PTPRT: variants seen among roughly 807,000 people sequenced by gnomAD.
The protein encoded by PTPRT is receptor-type tyrosine-protein phosphatase T.
In PTPRT, 56 loss-of-function variants were observed where a neutral mutation model predicts 176.8. The observed-to-expected ratio is 0.32, with a 90% CI of 0.26 to 0.40. The LOEUF (loss-of-function observed/expected upper bound fraction) is 0.40, where lower values mean the gene tolerates loss of function less well. Among genes scored for constraint, PTPRT ranks in the 10% least tolerant of loss-of-function variants. The pLI is 1.00. For synonymous variants in PTPRT, 783 were observed against 739.0 expected (o/e 1.06, Z -0.96); for missense variants, 1,540 against 1,908.2 (o/e 0.81, Z 3.60).
In PTPRT at chr20:42,452,846, T is replaced by C. The variant is rs185131514; in HGVS notation, c.1451-4517A>G. Among the ~76,000 whole-genome samples the C allele has an allele frequency of 1.8e-3, 277 of 152,352 alleles. 1 individual carries two copies. The highest frequency in any genetic ancestry group is 6.4e-3 in the African/African-American group (266 of 41,590). The stretch of plus-strand genomic sequence containing the variant: ...TTTCTTTTTACACCTTACACGTTAA[T>C]ATTTCTGAAATTACTGTGTATACCA... On this transcript the variant is annotated intron_variant, in intron 8 of 30. Coordinates refer to ENST00000373187, the MANE Select transcript of PTPRT (RefSeq NM_007050.6).
chr20:42,682,290 C>A (rs2075616902), intron 6 of PTPRT, among the ~76,000 whole-genome samples: 1 of 151,934 alleles, frequency 6.6e-6, no homozygotes, highest in East Asian at 1.9e-4. Flanking sequence ...TTAAAAAAAA[C>A]AAAAATATGG....
At chr20:42,251,207 T>C (rs1258058368) in intron 13 of PTPRT, among the ~76,000 whole-genome samples, 1 of 152,176 alleles carries the variant, frequency 6.6e-6, no homozygotes, top group African/African-American at 2.4e-5. Flanking sequence ...CACAGCCCAA[T>C]TTTACTTAGT....
At chr20:43,066,471 G>T (rs145808209) in intron 1 of PTPRT, among the ~76,000 whole-genome samples, 1 of 152,256 alleles carries the variant, frequency 6.6e-6, no homozygotes, top group East Asian at 1.9e-4. Context: ...CCTAACACTG[G>T]TGCAGGAATA....
intron 26 of PTPRT, among the ~76,000 whole-genome samples, chr20:42,099,800 A>G (rs6130034): frequency 0.49 from 74,191 of 151,946 alleles, 19,742 homozygotes; most frequent in African/African-American, 0.71. Context: ...AAACATGGAT[A>G]TCATGCGTGC....
intron 7 of PTPRT, among the ~76,000 whole-genome samples, chr20:42,542,010 A>T (rs954754703): frequency 2.6e-5 from 4 of 152,074 alleles, no homozygotes; most frequent in Non-Finnish European, 5.9e-5. Flanking sequence ...GGTTTTTCCC[A>T]TGCTGTTCTC....
At chr20:43,067,801 T>A (rs1219443032) in intron 1 of PTPRT, among the ~76,000 whole-genome samples, 1 of 149,824 alleles carries the variant, frequency 6.7e-6, no homozygotes, top group Admixed American at 6.7e-5. Flanking sequence ...CATCTCTACA[T>A]AAAACTTTTT....
At chr20:42,554,232 A>G (rs1601254185) in intron 7 of PTPRT, among the ~76,000 whole-genome samples, 2 of 152,214 alleles carry the variant, frequency 1.3e-5, no homozygotes, top group East Asian at 1.9e-4. Context: ...AATGTCTATA[A>G]TACTAATCTG....
At chr20:42,973,272 AGT>A (rs1178616179) in intron 1 of PTPRT, among the ~76,000 whole-genome samples, 1 of 152,148 alleles carries the variant, frequency 6.6e-6, no homozygotes, top group Non-Finnish European at 1.5e-5. Flanking sequence ...AGACTGAGGA[AGT>A]AGTACGTTTT....
intron 1 of PTPRT, among the ~76,000 whole-genome samples, chr20:42,896,829 A>G (rs1249229513): frequency 1.3e-5 from 2 of 152,144 alleles, no homozygotes; most frequent in Non-Finnish European, 2.9e-5. Flanking sequence ...TCGTGCCAAC[A>G]AATGCTTTGA....
chr20:42,614,975 G>T (rs2074043632), intron 7 of PTPRT, among the ~76,000 whole-genome samples: 2 of 137,558 alleles, frequency 1.5e-5, no homozygotes, highest in African/African-American at 2.8e-5. Flanking sequence ...TAGGGTACAT[G>T]TGCACATTGT....
At chr20:42,648,563 A>G (rs2074958746) in intron 7 of PTPRT, among the ~76,000 whole-genome samples, 1 of 152,130 alleles carries the variant, frequency 6.6e-6, no homozygotes, top group Admixed American at 6.5e-5. Context: ...ACTAAAACAC[A>G]GCCCAAGAAG....
intron 9 of PTPRT, among the ~76,000 whole-genome samples, chr20:42,400,787 C>T (rs1309435343): frequency 6.6e-6 from 1 of 152,136 alleles, no homozygotes; most frequent in Admixed American, 6.6e-5. Context: ...GGAATTAGAG[C>T]AGGTAGTGTG....
intron 8 of PTPRT, among the ~76,000 whole-genome samples, chr20:42,458,036 T>C (rs188430942): frequency 6.0e-4 from 91 of 152,302 alleles, no homozygotes; most frequent in African/African-American, 2.1e-3. Context: ...GAGGTACTTA[T>C]GCATGTAGAC....
At chr20:42,976,501 G>T (rs1018078860) in intron 1 of PTPRT, among the ~76,000 whole-genome samples, 1 of 151,980 alleles carries the variant, frequency 6.6e-6, no homozygotes, top group Non-Finnish European at 1.5e-5. Context: ...CGCCTCCTGG[G>T]TTCAAGCAAT....
chr20:42,497,592 A>AAAGAAAG (rs2071678042), intron 7 of PTPRT, among the ~76,000 whole-genome samples: 2 of 151,904 alleles, frequency 1.3e-5, no homozygotes, highest in South Asian at 4.2e-4. Context: ...TCTTTTCTTG[A>AAAGAAAG]CATTTTTTTA....
chr20:43,020,224 A>AATATAT (rs3030256), intron 1 of PTPRT, among the ~76,000 whole-genome samples: 7 of 145,028 alleles, frequency 4.8e-5, no homozygotes, highest in South Asian at 4.3e-4. Flanking sequence ...TTAATTATGT[A>AATATAT]ATATATATAT....
chr20:42,652,295 C>T (rs2075047119), intron 7 of PTPRT, among the ~76,000 whole-genome samples: 1 of 152,140 alleles, frequency 6.6e-6, no homozygotes. Context: ...CATGCTTAGA[C>T]CACGTAGCCC....
intron 27 of PTPRT, among the ~76,000 whole-genome samples, chr20:42,095,521 G>A (rs578148217): frequency 1.3e-5 from 2 of 152,082 alleles, no homozygotes; most frequent in East Asian, 1.9e-4. Context: ...CCTCCTTCAC[G>A]TCTGTGTTCA....
intron 2 of PTPRT, among the ~76,000 whole-genome samples, chr20:42,837,237 C>A (rs184648193): frequency 6.6e-6 from 1 of 152,198 alleles, no homozygotes; most frequent in African/African-American, 2.4e-5. Context: ...TCCGGAGGAC[C>A]CTTGGATCCC....
Sources: allele counts gnomAD v4.1 joint callset (sites outside exome capture counted in the v4.1 genomes callset), GRCh38; gene constraint gnomAD v4.1.1; transcripts MANE v1.5; gene names NCBI Gene and HGNC (gene_info 2026-07-23, HGNC 2026-07-21).